Variants in U2AF2 observed in about 807,000 individuals in gnomAD.
U2AF2 encodes U2 small nuclear RNA auxiliary factor 2, also known as splicing factor U2AF 65 kDa subunit.
In U2AF2, 6 loss-of-function variants were observed where a neutral mutation model predicts 52.6. The ratio of observed to expected loss-of-function variants is 0.11; its 90% CI spans 0.06 to 0.23. U2AF2 has a LOEUF of 0.23. Ranked by LOEUF, U2AF2 falls within the 10% of genes least tolerant of loss-of-function variation. U2AF2 has a pLI of 1.00. For missense variants in U2AF2, 222 were observed against 677.1 expected, an observed-to-expected ratio of 0.33 and a Z score of 7.46; for synonymous variants, 284 against 258.2, an observed-to-expected ratio of 1.10 and a Z score of -0.96.
intron 2 of U2AF2, among the ~76,000 whole-genome samples, chr19:55,659,567 C>T (rs916847348): frequency 5.3e-5 from 8 of 151,782 alleles, no homozygotes; most frequent in African/African-American, 1.7e-4. Flanking sequence ...TTGGTGGTTG[C>T]TGGTGGGTTG....
chr19:55,658,697 G>C (rs1983957945), intron 1 of U2AF2, among the ~76,000 whole-genome samples: 1 of 152,152 alleles, frequency 6.6e-6, no homozygotes, highest in Admixed American at 6.5e-5. Context: ...GGCTTGGGAA[G>C]GGATGGGTTG....
intron 11 of U2AF2, 47 bp from the exon 12 acceptor site, chr19:55,673,887 G>GT: frequency 6.3e-7 from 1 of 1,576,084 alleles, no homozygotes; most frequent in Non-Finnish European, 8.6e-7. Flanking sequence ...CTGACTGGCT[G>GT]TTGGGCGTGA....
chr19:55,667,732 C>T (rs1984632604), intron 7 of U2AF2, among the ~76,000 whole-genome samples: 1 of 152,078 alleles, frequency 6.6e-6, no homozygotes, highest in South Asian at 2.1e-4. Context: ...GGCAGTTGCA[C>T]CCCTGCAGTG....
In U2AF2 at chr19:55,659,320, G is replaced by T. The variant is rs746794057; in HGVS notation, c.160G>T (p.Ala54Ser). Residue 54 changes from alanine to serine, a missense_variant, in exon 2 of 12, where the codon GCC (alanine) becomes TCC (serine). Transcript: ENST00000308924. ...CCGGCGCAACCGGGACCAGCGGAGCGCCTCCCGGGACAGGCGACGACGCAG... is the reference window on the plus strand; with the variant it reads ...CCGGCGCAACCGGGACCAGCGGAGCTCCTCCCGGGACAGGCGACGACGCAG... ...RDRRNRDQRS[A>S]SRDRRRRSKP... 2 of 1,570,416 alleles carry T rather than the reference G, an allele frequency of 1.3e-6. No individual in the cohort carries two copies. The highest frequency in any genetic ancestry group is 1.7e-6 in the Non-Finnish European group (2 of 1,155,950).
chr19:55,666,714 C>A (rs546801231), intron 7 of U2AF2, among the ~76,000 whole-genome samples: 1 of 152,212 alleles, frequency 6.6e-6, no homozygotes, highest in Non-Finnish European at 1.5e-5. Flanking sequence ...AGACTTGAAC[C>A]CAAGGAGCCA....
chr19:55,673,788 C>T (rs1332702943), intron 11 of U2AF2, 146 bp from the exon 12 acceptor site: 23 of 1,132,822 alleles, frequency 2.0e-5, no homozygotes, highest in Non-Finnish European at 2.8e-5. Flanking sequence ...TCCACCAAAC[C>T]TGCTTACTAA....
intron 11 of U2AF2, 144 bp downstream of exon 11, chr19:55,669,836 CGTGCGTATAG>C: frequency 7.7e-7 from 1 of 1,306,894 alleles, no homozygotes; most frequent in African/African-American, 1.5e-5. Flanking sequence ...TCTCGCAGCG[CGTGCGTATAG>C]GTGTATGCCA....
intron 7 of U2AF2, among the ~76,000 whole-genome samples, chr19:55,664,643 G>C (rs1984426615): frequency 6.6e-6 from 1 of 152,174 alleles, no homozygotes; most frequent in East Asian, 1.9e-4. Flanking sequence ...AGGCGATGTG[G>C]AGCCCCAGAC....
chr19:55,659,955 T>C (rs1394770346), intron 2 of U2AF2, among the ~76,000 whole-genome samples: 2 of 152,118 alleles, frequency 1.3e-5, no homozygotes, highest in Non-Finnish European at 2.9e-5. Context: ...TAGAGACTGG[T>C]CCTTCCTGGC....
rs1218022649 is a variant in U2AF2, at chr19:55,655,104, C to T, written c.-1C>T. The T allele has an allele frequency of 6.2e-7, 1 of 1,606,416 alleles. No homozygotes were observed. Among genetic ancestry groups the T allele is most frequent in the Non-Finnish European group, 8.5e-7 (1 of 1,177,262 alleles). On this transcript the variant is annotated 5_prime_UTR_variant, in exon 1 of 12. Coordinates refer to ENST00000308924, the MANE Select transcript of U2AF2 (RefSeq NM_007279.3). The stretch of plus-strand genomic sequence containing the variant: ...ACAGGGCCCTACGCGGCCGCCTCAG[C>T]ATGTCGGACTTCGACGAGTTCGAGC...
intron 7 of U2AF2, among the ~76,000 whole-genome samples, chr19:55,665,100 A>T (rs56289005): frequency 1.3e-5 from 2 of 152,210 alleles, no homozygotes; most frequent in Admixed American, 6.5e-5. Flanking sequence ...CCCAATCGAC[A>T]TGGACTTTTT....
chr19:55,660,151 C>G lies in U2AF2; in HGVS notation c.186-26C>G, dbSNP rs1313352372. Reference sequence around the variant, plus strand: ...GACGAGGGTCCCCAGTCACCCCTCCCCATACCTTTCCCTCCCACCCCCCAG... The same window carrying G: ...GACGAGGGTCCCCAGTCACCCCTCCGCATACCTTTCCCTCCCACCCCCCAG... On this transcript the variant is annotated intron_variant, in intron 2 of 11. Transcript: ENST00000308924. The G allele has an allele frequency of 1.2e-5, 19 of 1,588,718 alleles. 1 individual carries two copies. Among genetic ancestry groups the G allele is most frequent in the Non-Finnish European group, 1.6e-5 (19 of 1,161,988 alleles).
chr19:55,661,612 C>G (rs1364460580), intron 5 of U2AF2, among the ~76,000 whole-genome samples: 8 of 151,706 alleles, frequency 5.3e-5, no homozygotes, highest in African/African-American at 1.5e-4. Context: ...CTATCCTCTC[C>G]CCCACGTCCC....
chr19:55,655,074 G>A lies in U2AF2; in HGVS notation c.-31G>A, dbSNP rs374546412. ...GAGCGGGCGGCAAGGCGAGGCGAAAGCTGCACAGGGCCCTACGCGGCCGCC... is the reference window on the plus strand; with the variant it reads ...GAGCGGGCGGCAAGGCGAGGCGAAAACTGCACAGGGCCCTACGCGGCCGCC... On this transcript the variant is annotated 5_prime_UTR_variant, in exon 1 of 12. Transcript: ENST00000308924. The A allele has an allele frequency of 4.4e-6, 7 of 1,605,720 alleles. No individual in the cohort carries two copies. Among genetic ancestry groups the A allele is most frequent in the Middle Eastern group, 1.7e-4 (1 of 5,952 alleles).
intron 6 of U2AF2, among the ~76,000 whole-genome samples, chr19:55,662,864 C>T (rs1984304942): frequency 6.6e-6 from 1 of 152,114 alleles, no homozygotes; most frequent in East Asian, 1.9e-4. Context: ...TGGCCTTTTC[C>T]AGACCATTCC....
At position 55,665,718 on chromosome 19, in the gene U2AF2, G is replaced by A. The variant is rs925087508; in HGVS notation, c.742+1974G>A. Among the ~76,000 whole-genome samples, 10 of 152,034 alleles carry A rather than the reference G, an allele frequency of 6.6e-5. No homozygotes were observed. The East Asian group carries it at 1.5e-3, about 24-fold the overall frequency. On this transcript the variant is annotated intron_variant, in intron 7 of 11. Coordinates refer to ENST00000308924, the MANE Select transcript of U2AF2 (RefSeq NM_007279.3). ...GGCTGGAGTGCAGTGGTGTGATCTC[G>A]GCTCACTGCAACCTCCGCCTCCCAG... is the stretch of plus-strand genomic sequence containing the variant.
In U2AF2 at chr19:55,668,583, C is replaced by T; in HGVS notation, c.819C>T (p.Asp273=). The change falls in exon 8 of 12, where the codon GAC becomes GAT. Residue 273 remains aspartate (D), a synonymous_variant. Coordinates refer to ENST00000308924, the MANE Select transcript of U2AF2 (RefSeq NM_007279.3). The surrounding 1 kb of genome is among the most constrained non-coding windows in gnomAD (Gnocchi z 5.5). Reference sequence around the variant, plus strand: ...GCTTACCCAACTACCTGAACGATGACCAGGTAACTTCCCTGCCTCCCTCCA... The same window carrying T: ...GCTTACCCAACTACCTGAACGATGATCAGGTAACTTCCCTGCCTCCCTCCA... ...IGGLPNYLND[D]QVKELLTSFG... 6.2e-7 allele frequency: 1 copy of T among 1,606,894 alleles called. No individual in the cohort carries two copies. The highest frequency in any genetic ancestry group is 1.3e-5 in the African/African-American group (1 of 74,958).
rs143149437 is a variant in U2AF2 at position 55,672,788 on chromosome 19, C to T, written c.1294-1146C>T. Among the ~76,000 whole-genome samples, 1,275 of 147,266 alleles carry T rather than the reference C, an allele frequency of 8.7e-3. 13 individuals carry two copies. The highest frequency in any genetic ancestry group is 0.026 in the African/African-American group (1,011 of 39,364). On this transcript the variant is annotated intron_variant, in intron 11 of 11. Transcript: ENST00000308924. ...GTTGCCCAGGCTGGAGTGCAGTGTG[C>T]CCGCCACCACACCTGGTTAATTTTT...
chr19:55,672,946 A>G (rs923711642), intron 11 of U2AF2, among the ~76,000 whole-genome samples: 17 of 131,990 alleles, frequency 1.3e-4, no homozygotes. Context: ...CCCGGCCAAT[A>G]ATTTTTTTTT....
Sources: allele counts gnomAD v4.1 joint callset (sites outside exome capture counted in the v4.1 genomes callset), GRCh38; gene constraint gnomAD v4.1.1; non-coding constraint Gnocchi (gnomAD v3.1); transcripts MANE v1.5; gene names NCBI Gene and HGNC (gene_info 2026-07-23, HGNC 2026-07-21).